The following IDNK variants were observed in gnomAD, a reference collection of about 807,000 sequenced individuals.
IDNK encodes gluconokinase.
Under a neutral mutation model 13.0 loss-of-function variants are expected in IDNK, and 9 were observed. The ratio of observed to expected loss-of-function variants is 0.69; its 90% CI spans 0.42 to 1.21. The LOEUF (loss-of-function observed/expected upper bound fraction) is 1.21, where lower values mean the gene tolerates loss of function less well. Among genes scored for constraint, IDNK ranks in the 50% most tolerant of loss-of-function variants. IDNK has a pLI of 0.00. For missense variants in IDNK, 210 were observed against 237.8 expected, an observed-to-expected ratio of 0.88 and a Z score of 0.77; for synonymous variants, 92 against 94.9, an observed-to-expected ratio of 0.97 and a Z score of 0.18.
intron 1 of IDNK, among the ~76,000 whole-genome samples, chr9:83,625,582 G>C (rs1830826610): frequency 6.6e-6 from 1 of 152,236 alleles, no homozygotes. Flanking sequence ...GTAATAAAAA[G>C]ACTGGGACTT....
rs185442074 is a variant in IDNK at position 83,633,551 on chromosome 9, G to A, written c.168+4592G>A. Among the ~76,000 whole-genome samples the A allele has an allele frequency of 3.9e-3, 594 of 152,244 alleles. 6 individuals carry two copies. Among genetic ancestry groups the A allele is most frequent in the Middle Eastern group, 0.01 (3 of 294 alleles). ...CTTTGCACCACATTTAATGTTTGTG[G>A]AATTAAGGCCCAGTGCCTACCAAAT... On this transcript the variant is annotated intron_variant, in intron 3 of 4. Transcript: ENST00000376419.
rs1256479988 is a variant in IDNK, at chr9:83,643,555, G to A, written c.339G>A (p.Lys113=). The part of the protein sequence containing the change: ...LKCEESGKEA[K]QAEMQLLVVH... ...GTGAGGAGTCGGGAAAGGAAGCAAA[G>A]CAGGCTGAGATGCAGCTCCTGGTGG... The change falls in exon 5 of 5, where the codon AAG becomes AAA. Residue 113 remains lysine (K), a synonymous_variant. Coordinates refer to ENST00000376419, the MANE Select transcript of IDNK (RefSeq NM_001001551.4). 1 of 1,614,012 alleles carries A rather than the reference G, an allele frequency of 6.2e-7. No homozygotes were observed. Among genetic ancestry groups the A allele is most frequent in the South Asian group, 1.1e-5 (1 of 91,074 alleles).
chr9:83,641,672 A>G, intron 4 of IDNK, 81 bp downstream of exon 4: 2 of 1,387,830 alleles, frequency 1.4e-6, no homozygotes, highest in Middle Eastern at 1.9e-4. Flanking sequence ...AAAAAAATAC[A>G]CTCCTGAAAT....
intron 1 of IDNK, chr9:83,623,422 C>G: frequency 1.7e-6 from 1 of 573,758 alleles, no homozygotes; most frequent in Middle Eastern, 2.6e-4. Context: ...ATCCTGGGAC[C>G]GCATCCGAGC....
At chr9:83,641,783 G>A (rs1377038139) in intron 4 of IDNK, among the ~76,000 whole-genome samples, 192 bp downstream of exon 4, 1 of 152,216 alleles carries the variant, frequency 6.6e-6, no homozygotes, top group Admixed American at 6.5e-5. Context: ...GTTTAGTCGG[G>A]CTCTGGAGAC....
At position 83,628,119 on chromosome 9, in the gene IDNK, A is replaced by C. The variant is rs993033995; in HGVS notation, c.51-62A>C. ...CCATCCCTTTCCCAGACATCCTTGCACAGAAGGAAGCTCCACACATTGGGC... is the reference window on the plus strand; with the variant it reads ...CCATCCCTTTCCCAGACATCCTTGCCCAGAAGGAAGCTCCACACATTGGGC... On this transcript the variant is annotated intron_variant, in intron 1 of 4. Transcript: ENST00000376419. 2.6e-6 allele frequency: 4 copies of C among 1,548,940 alleles called. No individual in the cohort carries two copies. The African/African-American group carries it at 5.5e-5, about 21-fold the overall frequency.
At position 83,623,228 on chromosome 9, in the gene IDNK, C is replaced by T; in HGVS notation, c.50+7C>T. 1 of 1,395,572 alleles carries T rather than the reference C, an allele frequency of 7.2e-7. No homozygotes were observed. Among genetic ancestry groups the T allele is most frequent in the Non-Finnish European group, 9.3e-7 (1 of 1,077,860 alleles). The allele number at this position is 1,395,572 out of a possible 1,614,324, so 86.4% of individuals were successfully genotyped here. ...GCGTGAGCGGCTCGGGGAAGTAGGTCCGGGAGAGGGCGGGGGGCGCCCGGG... is the reference window on the plus strand; with the variant it reads ...GCGTGAGCGGCTCGGGGAAGTAGGTTCGGGAGAGGGCGGGGGGCGCCCGGG... On this transcript the variant is annotated splice_region_variant and intron_variant, in intron 1 of 4. Transcript: ENST00000376419.
chr9:83,633,417 C>T (rs1039710053), intron 3 of IDNK, among the ~76,000 whole-genome samples: 4 of 152,194 alleles, frequency 2.6e-5, no homozygotes, highest in Non-Finnish European at 5.9e-5. Flanking sequence ...CTCCCACAGC[C>T]CTCATCACTG....
At chr9:83,642,148 G>A (rs62559840) in intron 4 of IDNK, among the ~76,000 whole-genome samples, 14 of 144,756 alleles carry the variant, frequency 9.7e-5, no homozygotes, top group Admixed American at 4.0e-4. Context: ...GCCCCTGAGC[G>A]AACAGGGTCC....
rs138577393 is a variant in IDNK at position 83,643,658 on chromosome 9, T to C, written c.442T>C (p.Leu148=). The change falls in exon 5 of 5, where the codon TTG becomes CTG. Residue 148 remains leucine, a synonymous_variant. Transcript: ENST00000376419. ...REGHFMPPEL[L]QSQFETLEPP... ...GGGACATTTTATGCCCCCTGAATTA[T>C]TGCAGTCCCAGTTTGAGACTCTGGA... The C allele has an allele frequency of 1.2e-4, 194 of 1,613,940 alleles. 1 individual carries two copies. Among genetic ancestry groups the C allele is most frequent in the Middle Eastern group, 1.6e-4 (1 of 6,062 alleles).
chr9:83,626,476 G>A, intron 1 of IDNK: 1 of 363,898 alleles, frequency 2.7e-6, no homozygotes, highest in Non-Finnish European at 5.5e-6. Context: ...GAGTACAGTG[G>A]CGTGATCTCG....
chr9:83,623,415 C>G (rs903970537), intron 1 of IDNK, 194 bp downstream of exon 1: 5 of 593,936 alleles, frequency 8.4e-6, no homozygotes, highest in Middle Eastern at 2.5e-4. Flanking sequence ...GGCGCCCATC[C>G]TGGGACCGCA....
chr9:83,631,730 A>C (rs1171276200), intron 3 of IDNK, among the ~76,000 whole-genome samples: 1 of 152,224 alleles, frequency 6.6e-6, no homozygotes, highest in Admixed American at 6.5e-5. Context: ...CTTACTGGAC[A>C]GCACAGCTAT....
At chr9:83,624,902 A>G (rs979968916) in intron 1 of IDNK, among the ~76,000 whole-genome samples, 3 of 151,864 alleles carry the variant, frequency 2.0e-5, no homozygotes, top group African/African-American at 7.3e-5. Context: ...TTTAGTAGAG[A>G]CGGGGTTTCA....
chr9:83,625,613 G>T (rs907003250), intron 1 of IDNK, among the ~76,000 whole-genome samples: 3 of 152,248 alleles, frequency 2.0e-5, no homozygotes, highest in Non-Finnish European at 4.4e-5. Context: ...ATCATTGGAT[G>T]TAGCAACATC....
intron 1 of IDNK, among the ~76,000 whole-genome samples, chr9:83,624,410 A>G (rs1463573986): frequency 6.6e-6 from 1 of 152,178 alleles, no homozygotes; most frequent in Non-Finnish European, 1.5e-5. Flanking sequence ...TCCTTACTCT[A>G]TGTCATTGTC....
intron 3 of IDNK, 42 bp downstream of exon 3, chr9:83,629,001 G>A: frequency 6.6e-7 from 1 of 1,511,970 alleles, no homozygotes; most frequent in Non-Finnish European, 9.2e-7. Flanking sequence ...ATTCCACCTG[G>A]GTGACAGGAT....
chr9:83,641,369 GA>G (rs762799553), intron 3 of IDNK, among the ~76,000 whole-genome samples, 178 bp from the exon 4 acceptor site: 9 of 152,314 alleles, frequency 5.9e-5, no homozygotes, highest in Admixed American at 1.3e-4. Flanking sequence ...GACACCAGCT[GA>G]AAGAAAATGT....
At chr9:83,639,554 A>G (rs553660060) in intron 3 of IDNK, among the ~76,000 whole-genome samples, 21 of 152,376 alleles carry the variant, frequency 1.4e-4, no homozygotes, top group African/African-American at 5.0e-4. Flanking sequence ...AGACTCATCA[A>G]GAAGAAAGCA....
Sources: allele counts gnomAD v4.1 joint callset (sites outside exome capture counted in the v4.1 genomes callset), GRCh38; gene constraint gnomAD v4.1.1; transcripts MANE v1.5; gene names NCBI Gene and HGNC (gene_info 2026-07-23, HGNC 2026-07-21).